The following GRIN3A variants were observed in gnomAD, a reference collection of about 807,000 sequenced individuals.
The protein encoded by GRIN3A is glutamate ionotropic receptor NMDA type subunit 3A.
In GRIN3A, 47 loss-of-function variants were observed where a neutral mutation model predicts 92.4. The ratio of observed to expected loss-of-function variants is 0.51; its 90% CI spans 0.40 to 0.65. The LOEUF (loss-of-function observed/expected upper bound fraction) is 0.65, where lower values mean the gene tolerates loss of function less well. GRIN3A is among the 30% of genes least tolerant of loss of function. GRIN3A has a pLI of 0.00. For missense variants in GRIN3A, 1,324 were observed against 1,393.1 expected (o/e 0.95, Z 0.79); for synonymous variants, 527 against 540.6 (o/e 0.97, Z 0.35).
intron 1 of GRIN3A, among the ~76,000 whole-genome samples, chr9:101,687,560 T>C (rs962747661): frequency 2.0e-5 from 3 of 152,170 alleles, no homozygotes; most frequent in African/African-American, 7.2e-5. Context: ...AAGACCTCAT[T>C]TGTTAAACTT....
chr9:101,610,710 T>C (rs959779561), intron 6 of GRIN3A, among the ~76,000 whole-genome samples: 2 of 152,094 alleles, frequency 1.3e-5, no homozygotes, highest in Non-Finnish European at 2.9e-5. Flanking sequence ...GTAACAAATG[T>C]AAAAAACAGA....
chr9:101,640,591 G>T (rs896175424), intron 3 of GRIN3A, among the ~76,000 whole-genome samples: 3 of 152,178 alleles, frequency 2.0e-5, no homozygotes, highest in African/African-American at 7.2e-5. Context: ...CAAAGAGACT[G>T]ATATGGTTTG....
chr9:101,578,015 G>C (rs1440032223), intron 7 of GRIN3A, among the ~76,000 whole-genome samples, 171 bp from the exon 8 acceptor site: 1 of 152,036 alleles, frequency 6.6e-6, no homozygotes, highest in East Asian at 1.9e-4. Flanking sequence ...AATCTCAACA[G>C]AACAAAAATT....
In GRIN3A at chr9:101,572,905, G is replaced by A. The variant is rs373177321; in HGVS notation, c.*269C>T. On this transcript the variant is annotated 3_prime_UTR_variant, in exon 9 of 9. Coordinates refer to ENST00000361820, the MANE Select transcript of GRIN3A (RefSeq NM_133445.3). ...TGGTGAAAAGGTTAACGGCAGCTGG[G>A]GTTATCTGGTTATTCACAGATCTCT... 4.3e-6 allele frequency: 2 copies of A among 465,244 alleles called. No homozygotes were observed. Among genetic ancestry groups the A allele is most frequent in the Non-Finnish European group, 7.9e-6 (2 of 253,408 alleles). The allele number at this position is 465,244 out of a possible 1,614,324, so 28.8% of individuals were successfully genotyped here.
At chr9:101,677,170 A>C (rs187560854) in intron 2 of GRIN3A, among the ~76,000 whole-genome samples, 29 of 151,974 alleles carry the variant, frequency 1.9e-4, no homozygotes, top group African/African-American at 6.7e-4. Context: ...CATAGTTTAC[A>C]TTTGTATTTT....
chr9:101,677,673 G>T (rs1829416312), intron 2 of GRIN3A, among the ~76,000 whole-genome samples: 1 of 151,906 alleles, frequency 6.6e-6, no homozygotes, highest in Non-Finnish European at 1.5e-5. Context: ...TCATTTTGTG[G>T]CTTGTTTCAC....
intron 1 of GRIN3A, among the ~76,000 whole-genome samples, chr9:101,709,608 G>T (rs1167017858): frequency 2.0e-5 from 3 of 152,076 alleles, no homozygotes; most frequent in Non-Finnish European, 4.4e-5. Flanking sequence ...TTACTTGCTC[G>T]GTAAAATAAA....
intron 2 of GRIN3A, among the ~76,000 whole-genome samples, 174 bp downstream of exon 2, chr9:101,686,422 T>A (rs566708709): frequency 6.6e-6 from 1 of 152,254 alleles, no homozygotes; most frequent in East Asian, 1.9e-4. Flanking sequence ...ATAGATCAAA[T>A]TACAGATAGC....
intron 1 of GRIN3A, among the ~76,000 whole-genome samples, chr9:101,723,494 G>A (rs376876954): frequency 4.6e-5 from 7 of 152,270 alleles, no homozygotes; most frequent in East Asian, 3.9e-4. Context: ...TGCAAAGAGC[G>A]AAAGAACAAA....
At chr9:101,701,905 A>T (rs1361743209) in intron 1 of GRIN3A, among the ~76,000 whole-genome samples, 1 of 152,228 alleles carries the variant, frequency 6.6e-6, no homozygotes, top group South Asian at 2.1e-4. Context: ...ATCTCCCACC[A>T]GCTTACAGAT....
At chr9:101,603,440 G>A (rs796253093) in intron 6 of GRIN3A, among the ~76,000 whole-genome samples, 8 of 152,240 alleles carry the variant, frequency 5.3e-5, no homozygotes, top group African/African-American at 1.7e-4. Flanking sequence ...TATTATTCCC[G>A]GGTTTGGAGG....
At chr9:101,573,912 A>G (rs544392398) in intron 8 of GRIN3A, among the ~76,000 whole-genome samples, 10 of 151,444 alleles carry the variant, frequency 6.6e-5, no homozygotes, top group African/African-American at 1.9e-4. Context: ...AGCAAAATCT[A>G]TTTATTCACT....
At chr9:101,720,974 C>T (rs181079198) in intron 1 of GRIN3A, among the ~76,000 whole-genome samples, 165 of 152,262 alleles carry the variant, frequency 1.1e-3, no homozygotes, top group African/African-American at 3.8e-3. Context: ...AACAAACCTG[C>T]GTGTGTACCT....
intron 1 of GRIN3A, among the ~76,000 whole-genome samples, chr9:101,723,064 C>G (rs950772676): frequency 6.6e-6 from 1 of 152,064 alleles, no homozygotes; most frequent in African/African-American, 2.4e-5. Context: ...GTGGGAGGCA[C>G]GCAGGGGGAG....
Position 101,692,397 on chromosome 9 carries a change from A to T in GRIN3A, c.700-5197T>A, listed in dbSNP as rs184639469. 7.0e-4 allele frequency among the ~76,000 whole-genome samples: 106 copies of T among 152,312 alleles called. 1 individual carries two copies. The highest frequency in any genetic ancestry group is 1.3e-3 in the Non-Finnish European group (89 of 68,034). On this transcript the variant is annotated intron_variant, in intron 1 of 8. Coordinates refer to ENST00000361820, the MANE Select transcript of GRIN3A (RefSeq NM_133445.3). ...GTCTTTGTTCTCTCAGAGAGCACAG[A>T]TTCTGCTAGTTTGTGGATTAGTAAG...
intron 6 of GRIN3A, chr9:101,602,875 G>A (rs1313659964): frequency 6.6e-6 from 1 of 152,144 alleles, no homozygotes; most frequent in Non-Finnish European, 1.5e-5. Flanking sequence ...CAAGACCAGA[G>A]AATTGTAGGT....
At chr9:101,665,721 G>A (rs1588273363) in intron 3 of GRIN3A, among the ~76,000 whole-genome samples, 1 of 151,680 alleles carries the variant, frequency 6.6e-6, no homozygotes, top group Non-Finnish European at 1.5e-5. Context: ...TTCTCCATAG[G>A]CACTAAATTC....
rs778120267 is a variant in GRIN3A, at chr9:101,573,324, G to C, written c.3198C>G (p.Asp1066Glu). Residue 1066 changes from aspartate to glutamate, a missense_variant, in exon 9 of 9, where the codon GAC (aspartate) becomes GAG (glutamate). Physicochemically the swap from Asp to Glu is conservative, Grantham distance 45. Coordinates refer to ENST00000361820, the MANE Select transcript of GRIN3A (RefSeq NM_133445.3). ...CTGAGTTCCGAGATACATTTAGGGA[G>C]TCTGCTTTCCCATTGGTGGTCCGCA... ...PALRTTNGKADSLNVSRNSVM... is the reference protein window; with the variant it reads ...PALRTTNGKAESLNVSRNSVM... 5.6e-6 allele frequency: 9 copies of C among 1,614,004 alleles called. No individual in the cohort carries two copies. Among genetic ancestry groups the C allele is most frequent in the Non-Finnish European group, 7.6e-6 (9 of 1,180,006 alleles).
intron 1 of GRIN3A, among the ~76,000 whole-genome samples, chr9:101,698,147 A>C (rs1829705835): frequency 6.6e-6 from 1 of 152,224 alleles, no homozygotes; most frequent in Non-Finnish European, 1.5e-5. Context: ...AAAAAGTCCA[A>C]ATCTAGTCAA....
Sources: allele counts gnomAD v4.1 joint callset (sites outside exome capture counted in the v4.1 genomes callset), GRCh38; gene constraint gnomAD v4.1.1; transcripts MANE v1.5; gene names NCBI Gene and HGNC (gene_info 2026-07-23, HGNC 2026-07-21).